ADAMTS3: variants seen among roughly 807,000 people sequenced by gnomAD.
ADAMTS3 encodes the protein ADAM metallopeptidase with thrombospondin type 1 motif 3.
In ADAMTS3, 73 loss-of-function variants were observed where a neutral mutation model predicts 129.0. The observed-to-expected ratio is 0.57, with a 90% CI of 0.47 to 0.69. The LOEUF is 0.69. Ranked by LOEUF, ADAMTS3 falls within the 30% of genes least tolerant of loss-of-function variation. The pLI, the probability that ADAMTS3 is intolerant of heterozygous loss-of-function variation, is 0.00. For missense variants in ADAMTS3, 1,457 were observed against 1,514.5 expected, an observed-to-expected ratio of 0.96 and a Z score of 0.63; for synonymous variants, 477 against 510.8, an observed-to-expected ratio of 0.93 and a Z score of 0.89.
intron 21 of ADAMTS3, among the ~76,000 whole-genome samples, chr4:72,285,104 C>T (rs79595203): frequency 0.024 from 3,591 of 152,092 alleles, 145 homozygotes; most frequent in African/African-American, 0.082. Flanking sequence ...CATAACTCCC[C>T]AAAAATTGAA....
chr4:72,385,945 T>G (rs970036128), intron 4 of ADAMTS3, among the ~76,000 whole-genome samples: 1 of 152,176 alleles, frequency 6.6e-6, no homozygotes, highest in Non-Finnish European at 1.5e-5. Context: ...TTTTTTCCTT[T>G]TAATTACACT....
Position 72,549,119 on chromosome 4 carries a change from T to C in ADAMTS3, c.98-235A>G, listed in dbSNP as rs551590601. Reference sequence around the variant, plus strand: ...TACTTAAAATAGTATTAAAATTACATTGTAAATATTTACATCTCATTAATA... The same window carrying C: ...TACTTAAAATAGTATTAAAATTACACTGTAAATATTTACATCTCATTAATA... On this transcript the variant is annotated intron_variant, in intron 2 of 21. Transcript: ENST00000286657. 2.5e-3 allele frequency among the ~76,000 whole-genome samples: 383 copies of C among 152,308 alleles called. 4 individuals carry two copies. The highest frequency in any genetic ancestry group is 9.1e-3 in the African/African-American group (380 of 41,576).
At chr4:72,529,940 A>ATTTATATATAATATATAATATATTCT (rs1560553228) in intron 3 of ADAMTS3, among the ~76,000 whole-genome samples, 25 of 54,200 alleles carry the variant, frequency 4.6e-4, no homozygotes, top group Admixed American at 1.1e-3. Context: ...AATATATTAT[A>ATTTATATATAATATATAATATATTCT]TTTATATATA....
intron 3 of ADAMTS3, among the ~76,000 whole-genome samples, chr4:72,496,443 T>A (rs1393971634): frequency 1.3e-5 from 2 of 152,184 alleles, no homozygotes; most frequent in Non-Finnish European, 2.9e-5. Flanking sequence ...AAGGTAAGAC[T>A]AGCATCAGCC....
At chr4:72,477,265 C>T (rs1295618515) in intron 3 of ADAMTS3, among the ~76,000 whole-genome samples, 1 of 152,072 alleles carries the variant, frequency 6.6e-6, no homozygotes, top group Non-Finnish European at 1.5e-5. Context: ...ACCACACCTA[C>T]TCCAAAACTG....
intron 19 of ADAMTS3, among the ~76,000 whole-genome samples, chr4:72,291,745 T>C (rs953711860): frequency 6.6e-6 from 1 of 152,078 alleles, no homozygotes; most frequent in Non-Finnish European, 1.5e-5. Flanking sequence ...GCATGATTTA[T>C]AGTCCTTTGG....
At chr4:72,507,647 AACACACCTTGTTTCGGT>A (rs1233180167) in intron 3 of ADAMTS3, among the ~76,000 whole-genome samples, 1 of 152,202 alleles carries the variant, frequency 6.6e-6, no homozygotes, top group African/African-American at 2.4e-5. Flanking sequence ...ACATTTTGAG[AACACACCTTGTTTCGGT>A]ACACTATTTG....
At chr4:72,454,963 T>C (rs551101422) in intron 3 of ADAMTS3, among the ~76,000 whole-genome samples, 2 of 151,864 alleles carry the variant, frequency 1.3e-5, no homozygotes, top group Non-Finnish European at 2.9e-5. Context: ...TTAAACACAC[T>C]GTATTGATTT....
At chr4:72,384,879 A>G (rs780189572) in intron 4 of ADAMTS3, among the ~76,000 whole-genome samples, 7 of 152,166 alleles carry the variant, frequency 4.6e-5, no homozygotes, top group Non-Finnish European at 1.0e-4. Flanking sequence ...TAGCATAAAG[A>G]AAACTGGGGC....
chr4:72,346,470 T>A (rs1393993604), intron 4 of ADAMTS3, among the ~76,000 whole-genome samples: 1 of 152,154 alleles, frequency 6.6e-6, no homozygotes, highest in Non-Finnish European at 1.5e-5. Flanking sequence ...GGCCTCAATA[T>A]TTTTTGAAAG....
Position 72,569,038 on chromosome 4 carries a change from C to G in ADAMTS3, c.-276G>C, listed in dbSNP as rs543377800. ...AGAAGGTGCTGTAAGCGGGCACAGG[C>G]TAAGCCTGGGAGAGGGGGAAGGGAC... On this transcript the variant is annotated 5_prime_UTR_variant, in exon 1 of 22. Transcript: ENST00000286657. 802 of 517,190 alleles carry G rather than the reference C, an allele frequency of 1.6e-3. 2 individuals carry two copies. The highest frequency in any genetic ancestry group is 4.4e-3 in the Admixed American group (127 of 28,778). The allele number at this position is 517,190 out of a possible 1,614,324, so 32.0% of individuals were successfully genotyped here. A position where few individuals can be genotyped will look rare whatever the true frequency, so the allele number is the denominator to read the frequency against.
chr4:72,545,806 C>A (rs575897334), intron 3 of ADAMTS3, among the ~76,000 whole-genome samples: 1 of 152,282 alleles, frequency 6.6e-6, no homozygotes, highest in African/African-American at 2.4e-5. Flanking sequence ...AGCAGATATG[C>A]AAATGTCAAC....
chr4:72,416,207 A>AT (rs1491236341), intron 3 of ADAMTS3, among the ~76,000 whole-genome samples: 3 of 148,442 alleles, frequency 2.0e-5, no homozygotes, highest in African/African-American at 7.3e-5. Context: ...GTATATAAAT[A>AT]AATAAATATA....
rs1304329493 is a variant in ADAMTS3 at position 72,281,084 on chromosome 4, AGAAG to A, written c.*2048_*2051del. The A allele has an allele frequency of 6.6e-6, 1 of 152,614 alleles. No individual in the cohort carries two copies. Among genetic ancestry groups the A allele is most frequent in the Non-Finnish European group, 1.5e-5 (1 of 67,998 alleles). 9.5% of individuals were successfully genotyped at this position (152,614 alleles called of 1,614,324 possible). Reference sequence around the variant, plus strand: ...TAGTAGAAAAGAAAGCCCAAAGGTCAGAAGTATAATGAATATGTACATCTTTATG... The same window carrying A: ...TAGTAGAAAAGAAAGCCCAAAGGTCATATAATGAATATGTACATCTTTATG... On this transcript the variant is annotated 3_prime_UTR_variant, in exon 22 of 22. Transcript: ENST00000286657.
intron 3 of ADAMTS3, among the ~76,000 whole-genome samples, chr4:72,497,225 C>T (rs990132676): frequency 5.9e-5 from 9 of 152,006 alleles, no homozygotes; most frequent in Non-Finnish European, 1.3e-4. Flanking sequence ...TATTCTATCA[C>T]TTAAGGTTAC....
intron 3 of ADAMTS3, among the ~76,000 whole-genome samples, chr4:72,512,207 G>A (rs1720334725): frequency 6.6e-6 from 1 of 152,178 alleles, no homozygotes; most frequent in Non-Finnish European, 1.5e-5. Flanking sequence ...TGGGTGCACT[G>A]GCTCACACTT....
intron 4 of ADAMTS3, 96 bp from the exon 5 acceptor site, chr4:72,339,789 T>C: frequency 1.1e-6 from 1 of 937,432 alleles, no homozygotes; most frequent in Non-Finnish European, 1.7e-6. Context: ...GGCCTATCAG[T>C]ATCATTCATA....
intron 3 of ADAMTS3, among the ~76,000 whole-genome samples, chr4:72,535,656 T>C (rs1177696821): frequency 2.0e-5 from 3 of 152,170 alleles, no homozygotes; most frequent in African/African-American, 7.2e-5. Context: ...ATGCCACTTC[T>C]TTCTTCATTC....
chr4:72,542,759 C>A (rs2109780728), intron 3 of ADAMTS3, among the ~76,000 whole-genome samples: 1 of 152,282 alleles, frequency 6.6e-6, no homozygotes, highest in East Asian at 1.9e-4. Flanking sequence ...GTGCTTCAGA[C>A]ACTCCAAAAT....
Sources: allele counts gnomAD v4.1 joint callset (sites outside exome capture counted in the v4.1 genomes callset), GRCh38; gene constraint gnomAD v4.1.1; transcripts MANE v1.5; gene names NCBI Gene and HGNC (gene_info 2026-07-23, HGNC 2026-07-21).